VGLL4: variants seen among roughly 807,000 people sequenced by gnomAD.
The protein encoded by VGLL4 is transcription cofactor vestigial-like protein 4.
In VGLL4, 7 loss-of-function variants were observed where a neutral mutation model predicts 21.0. The ratio of observed to expected loss-of-function variants is 0.33; its 90% CI spans 0.19 to 0.63. The LOEUF (loss-of-function observed/expected upper bound fraction) is 0.63. Ranked by LOEUF, VGLL4 falls within the 20% of genes least tolerant of loss-of-function variation. VGLL4 has a pLI of 0.78. For missense variants in VGLL4, 394 were observed against 425.7 expected, an observed-to-expected ratio of 0.93 and a Z score of 0.66; for synonymous variants, 222 against 173.2, an observed-to-expected ratio of 1.28 and a Z score of -2.21.
intron 2 of VGLL4, among the ~76,000 whole-genome samples, chr3:11,657,018 C>T (rs1313201667): frequency 1.3e-5 from 2 of 152,184 alleles, no homozygotes; most frequent in Non-Finnish European, 2.9e-5. Flanking sequence ...AGAGCAGTGA[C>T]GGGCCTCCCA....
chr3:11,620,043 G>A (rs534641960), intron 1 of VGLL4, among the ~76,000 whole-genome samples: 23 of 94,882 alleles, frequency 2.4e-4, no homozygotes, highest in Non-Finnish European at 6.4e-4. Context: ...AGGAGAGAGT[G>A]CCACCCCCCG....
At chr3:11,564,423 G>A (rs1237383934) in intron 3 of VGLL4, among the ~76,000 whole-genome samples, 1 of 151,560 alleles carries the variant, frequency 6.6e-6, no homozygotes, top group Non-Finnish European at 1.5e-5. Flanking sequence ...ACCCGAGGAT[G>A]ACTACATTCA....
At chr3:11,696,701 C>T (rs953214942) in intron 2 of VGLL4, among the ~76,000 whole-genome samples, 1 of 152,174 alleles carries the variant, frequency 6.6e-6, no homozygotes, top group African/African-American at 2.4e-5. Context: ...TCAAACTGCA[C>T]TGTGCAAAGT....
intron 1 of VGLL4, among the ~76,000 whole-genome samples, chr3:11,632,382 G>C (rs1486860221): frequency 6.6e-6 from 1 of 151,998 alleles, no homozygotes; most frequent in Non-Finnish European, 1.5e-5. Flanking sequence ...TTCCTATTAA[G>C]ACCCAAGACG....
intron 2 of VGLL4, among the ~76,000 whole-genome samples, chr3:11,570,263 G>A (rs997562868): frequency 6.6e-6 from 1 of 151,858 alleles, no homozygotes; most frequent in Non-Finnish European, 1.5e-5. Flanking sequence ...TCACCTCGCA[G>A]CTCCATCCCA....
At chr3:11,582,124 G>A (rs2074244830) in intron 2 of VGLL4, among the ~76,000 whole-genome samples, 1 of 152,236 alleles carries the variant, frequency 6.6e-6, no homozygotes, top group Non-Finnish European at 1.5e-5. Flanking sequence ...GGAGGGACGA[G>A]AAGGAAAATC....
chr3:11,602,430 C>T (rs2074828646), intron 1 of VGLL4, among the ~76,000 whole-genome samples: 2 of 151,960 alleles, frequency 1.3e-5, no homozygotes, highest in African/African-American at 2.4e-5. Context: ...GCCCAACTCA[C>T]TTTTCCTGCT....
intron 1 of VGLL4, among the ~76,000 whole-genome samples, chr3:11,709,447 A>AAAC (rs2076809119): frequency 8.4e-6 from 1 of 118,808 alleles, no homozygotes; most frequent in Non-Finnish European, 1.7e-5. Flanking sequence ...AAAAAAAAAA[A>AAAC]AAAAAAAAAA....
intron 2 of VGLL4, among the ~76,000 whole-genome samples, chr3:11,672,689 C>T (rs746874966): frequency 8.5e-5 from 13 of 152,302 alleles, no homozygotes; most frequent in South Asian, 4.1e-4. Context: ...GGTGAGGACA[C>T]GGAGAACCGG....
intron 2 of VGLL4, among the ~76,000 whole-genome samples, chr3:11,654,890 G>T (rs983020385): frequency 6.6e-6 from 1 of 152,150 alleles, no homozygotes; most frequent in East Asian, 1.9e-4. Context: ...AGAATAAACG[G>T]TTTTTGTTGA....
intron 2 of VGLL4, among the ~76,000 whole-genome samples, chr3:11,670,311 C>G (rs934475192): frequency 3.9e-5 from 6 of 152,064 alleles, no homozygotes; most frequent in Non-Finnish European, 8.8e-5. Flanking sequence ...TGTCCTAATC[C>G]CAAACGTTAT....
intron 2 of VGLL4, among the ~76,000 whole-genome samples, chr3:11,600,325 T>C (rs2074761719): frequency 6.6e-6 from 1 of 152,006 alleles, no homozygotes; most frequent in South Asian, 2.1e-4. Flanking sequence ...TAAGGCATGT[T>C]TGTCTGCAGG....
chr3:11,580,168 C>G (rs148677600), intron 2 of VGLL4, among the ~76,000 whole-genome samples: 35 of 152,350 alleles, frequency 2.3e-4, no homozygotes, highest in African/African-American at 7.9e-4. Flanking sequence ...AAACACCAAC[C>G]TCCCATTTCC....
At chr3:11,573,656 CCTT>C (rs1202015423) in intron 2 of VGLL4, among the ~76,000 whole-genome samples, 1 of 152,196 alleles carries the variant, frequency 6.6e-6, no homozygotes, top group Non-Finnish European at 1.5e-5. Flanking sequence ...TGAAATCACT[CCTT>C]CTTGTTGTTT....
intron 1 of VGLL4, among the ~76,000 whole-genome samples, chr3:11,716,897 A>C (rs1241259595): frequency 6.6e-6 from 1 of 152,204 alleles, no homozygotes; most frequent in East Asian, 1.9e-4. Flanking sequence ...TAGCTTCATT[A>C]ACTTTAGGTG....
In VGLL4 at chr3:11,573,331, GAAAGAAAGAAAGAAAGAAAGAA is replaced by G. The variant is rs1445586055; in HGVS notation, c.273-8334_273-8313del. Among the ~76,000 whole-genome samples, 3 of 50,032 alleles carry G rather than the reference GAAAGAAAGAAAGAAAGAAAGAA, an allele frequency of 6.0e-5. 1 individual carries two copies. In the East Asian group the frequency reaches 2.3e-3, roughly 38 times the overall value. The allele number at this position is 50,032 out of a possible 152,430, so 32.8% of individuals were successfully genotyped here. On this transcript the variant is annotated intron_variant, in intron 2 of 4. Transcript: ENST00000430365. ...AGGAAGGAAGGAAGAAAGAAAGAAA[GAAAGAAAGAAAGAAAGAAAGAA>G]AGAAAGAAAGAAAGAAAGAAAGAAA...
intron 2 of VGLL4, among the ~76,000 whole-genome samples, chr3:11,695,447 C>T (rs1236366034): frequency 6.6e-6 from 1 of 152,098 alleles, no homozygotes; most frequent in East Asian, 1.9e-4. Flanking sequence ...TAATACCCAA[C>T]TATATATACA....
chr3:11,642,735 TAATA>T (rs1457236492), intron 1 of VGLL4, among the ~76,000 whole-genome samples: 4 of 151,912 alleles, frequency 2.6e-5, no homozygotes, highest in South Asian at 4.2e-4. Context: ...CAGTAGGAGG[TAATA>T]AATAACAGTT....
Position 11,665,120 on chromosome 3 carries a change from T to C in VGLL4, c.64+37851A>G, listed in dbSNP as rs905958850. Among the ~76,000 whole-genome samples, 3 of 133,628 alleles carry C rather than the reference T, an allele frequency of 2.2e-5. 1 individual carries two copies. Among genetic ancestry groups the C allele is most frequent in the African/African-American group, 8.7e-5 (3 of 34,582 alleles). 87.7% of individuals were successfully genotyped at this position (133,628 alleles called of 152,430 possible). A position where few individuals can be genotyped will look rare whatever the true frequency, so the allele number is the denominator to read the frequency against. ...ATTTTTCTTTTTTTTTTTTTTTTTT[T>C]TTTTTTTTTTTGAGACGGAGTCTCG... On this transcript the variant is annotated intron_variant, in intron 2 of 5. Coordinates refer to the VGLL4 transcript ENST00000273038.
Sources: allele counts gnomAD v4.1 joint callset (sites outside exome capture counted in the v4.1 genomes callset), GRCh38; gene constraint gnomAD v4.1.1; transcripts MANE v1.5; gene names NCBI Gene and HGNC (gene_info 2026-07-23, HGNC 2026-07-21).